TSPAN15: variants seen among roughly 807,000 people sequenced by gnomAD.
The protein encoded by TSPAN15 is tetraspanin-15.
TSPAN15 carries 20 observed loss-of-function variants against 34.5 expected under a neutral mutation model. The ratio of observed to expected loss-of-function variants is 0.58; its 90% confidence interval spans 0.41 to 0.84. The LOEUF is 0.84. Among genes scored for constraint, TSPAN15 ranks in the 40% least tolerant of loss-of-function variants. TSPAN15 has a pLI of 0.00. For missense variants in TSPAN15, 313 were observed against 386.1 expected (o/e 0.81, Z 1.59); for synonymous variants, 155 against 153.9 (o/e 1.01, Z -0.05).
chr10:69,526,738 C>T, the TSPAN15 span, among the ~76,000 whole-genome samples: 52 of 134,554 alleles, frequency 3.9e-4, 5 homozygotes, highest in Admixed American at 1.2e-3. Flanking sequence ...TGCTATGAGC[C>T]ATGATTACAC....
At chr10:69,492,575 T>C (rs890177787) in intron 3 of TSPAN15, among the ~76,000 whole-genome samples, 1 of 152,178 alleles carries the variant, frequency 6.6e-6, no homozygotes, top group African/African-American at 2.4e-5. Flanking sequence ...GGGCTCAGCT[T>C]ACCAGATGAA....
At chr10:69,485,290 T>C in intron 3 of TSPAN15, 75 bp downstream of exon 3, 1 of 1,270,730 alleles carries the variant, frequency 7.9e-7, no homozygotes. Flanking sequence ...TAACTGGGGG[T>C]ATGGCAGTGA....
At chr10:69,493,918 A>G (rs540038410) in intron 3 of TSPAN15, among the ~76,000 whole-genome samples, 293 of 152,314 alleles carry the variant, frequency 1.9e-3, no homozygotes, top group African/African-American at 6.6e-3. Flanking sequence ...CCAGGCCTCC[A>G]TCTCCTTCTT....
At chr10:69,515,971 C>T in the TSPAN15 span, among the ~76,000 whole-genome samples, 1 of 152,198 alleles carries the variant, frequency 6.6e-6, no homozygotes, top group Non-Finnish European at 1.5e-5. Context: ...GCCTAAAATA[C>T]TATAGGTCCT....
At chr10:69,490,020 G>C (rs1197746227) in intron 3 of TSPAN15, among the ~76,000 whole-genome samples, 1 of 152,206 alleles carries the variant, frequency 6.6e-6, no homozygotes. Context: ...GACACCTGGA[G>C]GGTCCGGGCA....
chr10:69,540,969 A>G, the TSPAN15 span, among the ~76,000 whole-genome samples: 1 of 152,214 alleles, frequency 6.6e-6, no homozygotes. Context: ...GGGTGGTGCC[A>G]GCCTCCAGGG....
chr10:69,492,864 G>C (rs1841997366), intron 3 of TSPAN15, among the ~76,000 whole-genome samples: 2 of 152,200 alleles, frequency 1.3e-5, no homozygotes, highest in South Asian at 2.1e-4. Context: ...AGTGGGCCCG[G>C]GTAGGTGCAG....
intron 1 of TSPAN15, among the ~76,000 whole-genome samples, chr10:69,476,221 A>G (rs1311238635): frequency 6.6e-6 from 1 of 152,138 alleles, no homozygotes; most frequent in Non-Finnish European, 1.5e-5. Flanking sequence ...GATGTGTTGT[A>G]AAACTGAAGT....
the TSPAN15 span, among the ~76,000 whole-genome samples, chr10:69,537,539 A>G: frequency 6.6e-6 from 1 of 152,092 alleles, no homozygotes; most frequent in East Asian, 1.9e-4. Context: ...GGCTTCTGGT[A>G]GTTACTTGGC....
At chr10:69,511,388 A>G (rs1416042114), downstream of TSPAN15, among the ~76,000 whole-genome samples, 1 of 151,988 alleles carries the variant, frequency 6.6e-6, no homozygotes, top group Non-Finnish European at 1.5e-5. Flanking sequence ...TATTCTCTGA[A>G]GGTAGTTTGT....
At chr10:69,523,345 C>T in the TSPAN15 span, 2 of 538,426 alleles carry the variant, frequency 3.7e-6, no homozygotes, top group Non-Finnish European at 6.7e-6. Flanking sequence ...GAGTAGCAGG[C>T]TCCCTCCCAC....
chr10:69,547,408 A>G, the TSPAN15 span, among the ~76,000 whole-genome samples: 2 of 152,344 alleles, frequency 1.3e-5, no homozygotes, highest in East Asian at 3.9e-4. Flanking sequence ...AGAGATAAAC[A>G]TGAATCAGAC....
the TSPAN15 span, among the ~76,000 whole-genome samples, chr10:69,535,330 C>A: frequency 6.6e-6 from 1 of 152,044 alleles, no homozygotes; most frequent in African/African-American, 2.4e-5. Flanking sequence ...CTCCCAGTAG[C>A]CAAAATGGGA....
chr10:69,532,330 G>T, the TSPAN15 span, among the ~76,000 whole-genome samples: 1 of 152,146 alleles, frequency 6.6e-6, no homozygotes, highest in South Asian at 2.1e-4. Flanking sequence ...ATAAAAATAG[G>T]CACATAGGCC....
the TSPAN15 span, chr10:69,523,198 G>T: frequency 3.9e-6 from 1 of 258,774 alleles, no homozygotes; most frequent in South Asian, 6.1e-5. Context: ...GAATGGTCTG[G>T]GCACCATTTT....
the TSPAN15 span, among the ~76,000 whole-genome samples, chr10:69,524,910 A>G: frequency 2.0e-5 from 3 of 146,642 alleles, no homozygotes; most frequent in African/African-American, 7.5e-5. Flanking sequence ...CCTCCCAAGT[A>G]CCTGGGATTA....
intron 1 of TSPAN15, among the ~76,000 whole-genome samples, chr10:69,461,186 T>G (rs1407661188): frequency 6.6e-6 from 1 of 152,150 alleles, no homozygotes; most frequent in African/African-American, 2.4e-5. Flanking sequence ...CTTGTCCCAT[T>G]TTATAGAGGA....
At chr10:69,464,105 TA>T (rs1268728104) in intron 1 of TSPAN15, among the ~76,000 whole-genome samples, 2 of 152,184 alleles carry the variant, frequency 1.3e-5, no homozygotes, top group Admixed American at 6.5e-5. Flanking sequence ...TGGGAGCCAC[TA>T]AAAGCTGGAG....
At chr10:69,488,539 C>A (rs531249325) in intron 3 of TSPAN15, among the ~76,000 whole-genome samples, 24 of 152,280 alleles carry the variant, frequency 1.6e-4, no homozygotes, top group African/African-American at 5.5e-4. Context: ...CAATATTTCA[C>A]CATAGGTTCT....
Sources: gnomAD v4.1 joint callset for allele counts (sites outside exome capture counted in the v4.1 genomes callset) on GRCh38, gnomAD v4.1.1 for gene constraint, MANE v1.5 for transcripts, NCBI Gene and HGNC (gene_info 2026-07-23, HGNC 2026-07-21) for gene names.